DNAH12: variants seen among roughly 807,000 people sequenced by gnomAD.
DNAH12 encodes axonemal beta dynein heavy chain 12.
Under a neutral mutation model 371.5 loss-of-function variants are expected in DNAH12, and 285 were observed. The observed-to-expected ratio is 0.77, with a 90% CI of 0.70 to 0.85. The LOEUF (loss-of-function observed/expected upper bound fraction) is 0.85. DNAH12 is among the 40% of genes least tolerant of loss of function. The pLI is 0.00. For missense variants in DNAH12, 3,611 were observed against 3,689.4 expected (o/e 0.98, Z 0.55); for synonymous variants, 1,200 against 1,213.0 (o/e 0.99, Z 0.22).
chr3:57,534,650 AG>A (rs1420787109), intron 2 of DNAH12, among the ~76,000 whole-genome samples: 1 of 151,782 alleles, frequency 6.6e-6, no homozygotes, highest in Non-Finnish European at 1.5e-5. Flanking sequence ...CTGAGATTAC[AG>A]GCATATGCCA....
intron 2 of DNAH12, among the ~76,000 whole-genome samples, chr3:57,525,741 A>T (rs868554630): frequency 2.7e-5 from 4 of 146,024 alleles, no homozygotes; most frequent in Admixed American, 7.0e-5. Context: ...ATGCTAGCAA[A>T]TAGTATGTCT....
intron 69 of DNAH12, among the ~76,000 whole-genome samples, chr3:57,307,921 C>T (rs980940660): frequency 7.9e-5 from 12 of 152,192 alleles, no homozygotes; most frequent in Non-Finnish European, 1.8e-4. Flanking sequence ...TGCTATAGTA[C>T]AAGCCACTAA....
At chr3:57,448,495 T>C (rs2065615396) in intron 25 of DNAH12, among the ~76,000 whole-genome samples, 1 of 151,926 alleles carries the variant, frequency 6.6e-6, no homozygotes, top group African/African-American at 2.4e-5. Context: ...GCTTCAGGAG[T>C]GAAGCTGTAG....
intron 37 of DNAH12, among the ~76,000 whole-genome samples, chr3:57,417,823 G>A (rs2064427387): frequency 6.6e-6 from 1 of 152,008 alleles, no homozygotes; most frequent in African/African-American, 2.4e-5. Flanking sequence ...GCCCAAATAT[G>A]TTCAATATTT....
chr3:57,361,991 C>A (rs2062947141), intron 58 of DNAH12, among the ~76,000 whole-genome samples: 1 of 151,580 alleles, frequency 6.6e-6, no homozygotes, highest in African/African-American at 2.4e-5. Flanking sequence ...TTAGGTATGC[C>A]TCCTAATGCT....
At chr3:57,556,002 C>T in the DNAH12 span, among the ~76,000 whole-genome samples, 23 of 152,256 alleles carry the variant, frequency 1.5e-4, no homozygotes, top group African/African-American at 5.3e-4. The surrounding 1 kb of genome is among the most constrained non-coding windows in gnomAD (Gnocchi z 5.0). Context: ...GACAGGTGTC[C>T]ACCTCCTCCA....
At position 57,444,798 on chromosome 3, in the gene DNAH12, C is replaced by A; in HGVS notation, c.4444G>T (p.Asp1482Tyr). ...EDILLLRSIKDVNEPKFLSHD... is the reference protein window; with the variant it reads ...EDILLLRSIKYVNEPKFLSHD... ...GATAAAAACTTTGGTTCATTTACAT[C>A]TTTAATTGATCGAAGAAGCTAAAAT... The change falls in exon 29 of 74, where the codon GAT (aspartate) becomes TAT (tyrosine). Residue 1482 changes from aspartate to tyrosine, a missense_variant. This residue lies in a region of DNAH12 where 2,266 missense variants were observed against 2,236.9 expected (regional missense o/e 1.01). Coordinates refer to ENST00000495027, the MANE Select transcript of DNAH12 (RefSeq NM_001366028.2). 6.5e-7 allele frequency: 1 copy of A among 1,543,672 alleles called. No individual in the cohort carries two copies. The highest frequency in any genetic ancestry group is 1.2e-5 in the South Asian group (1 of 81,842).
intron 11 of DNAH12, among the ~76,000 whole-genome samples, chr3:57,494,433 G>T (rs1189966381): frequency 6.6e-6 from 1 of 151,834 alleles, no homozygotes; most frequent in East Asian, 1.9e-4. Flanking sequence ...ATGGTGGCCT[G>T]TGCCTGTAGT....
intron 12 of DNAH12, among the ~76,000 whole-genome samples, chr3:57,488,937 A>AGTGTGTGTGTGT (rs34379970): frequency 1.3e-5 from 2 of 150,008 alleles, no homozygotes; most frequent in Non-Finnish European, 1.5e-5. Context: ...AGAAATCCAA[A>AGTGTGTGTGTGT]GTGTGTGTGT....
At chr3:57,452,354 G>A (rs376663374) in intron 25 of DNAH12, among the ~76,000 whole-genome samples, 2 of 151,856 alleles carry the variant, frequency 1.3e-5, no homozygotes, top group Admixed American at 6.6e-5. Flanking sequence ...TATTTTATCC[G>A]GCAACCACAT....
At chr3:57,360,674 C>A (rs1030545909) in intron 58 of DNAH12, among the ~76,000 whole-genome samples, 1 of 118,440 alleles carries the variant, frequency 8.4e-6, no homozygotes, top group Non-Finnish European at 1.8e-5. Context: ...GCAACAAGAG[C>A]GAAACTCTGT....
chr3:57,346,322 G>C (rs1339562749), intron 60 of DNAH12, among the ~76,000 whole-genome samples: 1 of 152,148 alleles, frequency 6.6e-6, no homozygotes, highest in African/African-American at 2.4e-5. Context: ...ACTGTAAAGA[G>C]TCTGTTACAA....
chr3:57,361,294 T>C (rs2062922085), intron 58 of DNAH12, among the ~76,000 whole-genome samples: 1 of 151,264 alleles, frequency 6.6e-6, no homozygotes, highest in Non-Finnish European at 1.5e-5. Context: ...TGTTGGAGTG[T>C]GCTGAGATCA....
intron 35 of DNAH12, among the ~76,000 whole-genome samples, chr3:57,424,196 A>G (rs1209866910): frequency 1.3e-5 from 2 of 151,940 alleles, no homozygotes; most frequent in Non-Finnish European, 2.9e-5. Context: ...TTGACCGAGC[A>G]TGGTGGCTCA....
chr3:57,321,826 T>C (rs984971877), intron 65 of DNAH12, among the ~76,000 whole-genome samples: 3 of 152,204 alleles, frequency 2.0e-5, no homozygotes, highest in Admixed American at 2.0e-4. Flanking sequence ...AAATGAGTAC[T>C]CTCTACTGGG....
At chr3:57,532,653 T>C (rs2068891535) in intron 2 of DNAH12, among the ~76,000 whole-genome samples, 1 of 152,188 alleles carries the variant, frequency 6.6e-6, no homozygotes, top group Non-Finnish European at 1.5e-5. Context: ...CAGAAACTCT[T>C]GGTTTTTTTC....
intron 72 of DNAH12, among the ~76,000 whole-genome samples, 197 bp downstream of exon 72, chr3:57,296,147 A>G (rs1255303650): frequency 2.6e-5 from 4 of 152,198 alleles, no homozygotes; most frequent in Non-Finnish European, 4.4e-5. Context: ...AAGACTACTG[A>G]AATATTGACT....
At chr3:57,297,517 G>T (rs955355036) in intron 70 of DNAH12, among the ~76,000 whole-genome samples, 2 of 151,898 alleles carry the variant, frequency 1.3e-5, no homozygotes. Context: ...CACCATGCCT[G>T]GCTAGTTTTT....
At chr3:57,533,284 G>A (rs1213417191) in intron 2 of DNAH12, among the ~76,000 whole-genome samples, 1 of 152,106 alleles carries the variant, frequency 6.6e-6, no homozygotes, top group Admixed American at 6.6e-5. Context: ...CAAGAGCCAA[G>A]GCCTAGAATC....
Sources: gnomAD v4.1 joint callset for allele counts (sites outside exome capture counted in the v4.1 genomes callset) on GRCh38, gnomAD v4.1.1 for gene constraint, gnomAD v4.1.1 regional missense constraint, Gnocchi (gnomAD v3.1) non-coding constraint, MANE v1.5 for transcripts, NCBI Gene and HGNC (gene_info 2026-07-23, HGNC 2026-07-21) for gene names.